Variants in PTH1R observed in about 807,000 individuals in gnomAD.
The protein encoded by PTH1R is parathyroid hormone 1 receptor, also known as parathyroid hormone/parathyroid hormone-related peptide receptor.
PTH1R carries 32 observed loss-of-function variants against 70.7 expected under a neutral mutation model. The ratio of observed to expected loss-of-function variants is 0.45; its 90% CI spans 0.34 to 0.61. The LOEUF (loss-of-function observed/expected upper bound fraction) is 0.61. PTH1R is among the 20% of genes least tolerant of loss of function. The probability of loss-of-function intolerance (pLI) is 0.01; values close to 1 mark genes in which losing one functional copy is unlikely to be tolerated. For synonymous variants in PTH1R, 329 were observed against 324.8 expected (o/e 1.01, Z -0.14); for missense variants, 626 against 792.5 (o/e 0.79, Z 2.52).
In PTH1R at chr3:46,892,734, G is replaced by C. The variant is rs1025059412; in HGVS notation, c.76-1173G>C. The C allele has an allele frequency of 1.4e-5, 14 of 985,732 alleles. No homozygotes were observed. The highest frequency in any genetic ancestry group is 8.7e-5 in the African/African-American group (5 of 57,344). 61.1% of individuals were successfully genotyped at this position (985,732 alleles called of 1,614,324 possible). A position where few individuals can be genotyped will look rare whatever the true frequency, so the allele number is the denominator to read the frequency against. Reference sequence around the variant, plus strand: ...CCTCCCGCCCTTCACAGCCATGCTCGGACTGCAGGGCCCCGGCCCCGCCTT... The same window carrying C: ...CCTCCCGCCCTTCACAGCCATGCTCCGACTGCAGGGCCCCGGCCCCGCCTT... On this transcript the variant is annotated intron_variant, in intron 3 of 15. Coordinates refer to ENST00000449590, the MANE Select transcript of PTH1R (RefSeq NM_000316.3). This position sits in a 1 kb window ranked among gnomAD's most constrained non-coding sequence, Gnocchi z 5.2.
rs1222436012 is a variant in PTH1R at position 46,877,822 on chromosome 3, T to G, written c.-127T>G. The G allele has an allele frequency of 6.6e-6, 1 of 152,244 alleles. No individual in the cohort carries two copies. The highest frequency in any genetic ancestry group is 2.1e-4 in the South Asian group (1 of 4,828). 9.4% of individuals were successfully genotyped at this position (152,244 alleles called of 1,614,324 possible). ...TCTGCTCTGCAGCTTTAGGCCCGAC[T>G]TGGAAGGCCCATGGGCTGCAGGTGA... On this transcript the variant is annotated 5_prime_UTR_variant, in exon 1 of 16. Transcript: ENST00000449590.
At chr3:46,888,886 T>C (rs1249517678) in intron 3 of PTH1R, among the ~76,000 whole-genome samples, 4 of 152,196 alleles carry the variant, frequency 2.6e-5, no homozygotes, top group Non-Finnish European at 5.9e-5. Context: ...ATGAGAGGCG[T>C]CACAGTGCCT....
chr3:46,888,327 T>C (rs1003375533), intron 3 of PTH1R, among the ~76,000 whole-genome samples: 3 of 152,260 alleles, frequency 2.0e-5, no homozygotes, highest in African/African-American at 7.2e-5. Context: ...CACATTCACC[T>C]CAGCTCTTGA....
In PTH1R at chr3:46,901,801, G is replaced by T. The variant is rs763816214; in HGVS notation, c.1152G>T (p.Val384=). Residue 384 remains valine (V), a synonymous_variant, in exon 13 of 16, where the codon GTG becomes GTT. Coordinates refer to ENST00000449590, the MANE Select transcript of PTH1R (RefSeq NM_000316.3). The surrounding 1 kb of genome is among the most constrained non-coding windows in gnomAD (Gnocchi z 7.3). ...TCCTCTTCATCAATATCGTCCGGGT[G>T]CTCGCCACCAAGCTGCGGGAGACCA... is the stretch of plus-strand genomic sequence containing the variant. ...NFILFINIVR[V]LATKLRETNA... The T allele has an allele frequency of 6.3e-5, 102 of 1,614,108 alleles. No individual in the cohort carries two copies. In the East Asian group the frequency reaches 2.3e-3, roughly 36 times the overall value.
intron 3 of PTH1R, among the ~76,000 whole-genome samples, chr3:46,886,467 C>T (rs2031037599): frequency 6.6e-6 from 1 of 152,210 alleles, no homozygotes; most frequent in Admixed American, 6.5e-5. Flanking sequence ...ACGCCGTTCT[C>T]CTGCCTCAGC....
intron 1 of PTH1R, among the ~76,000 whole-genome samples, chr3:46,880,526 G>C (rs2030485695): frequency 6.6e-6 from 1 of 152,160 alleles, no homozygotes; most frequent in Non-Finnish European, 1.5e-5. Flanking sequence ...GATCACTTGA[G>C]GTCAGGGGTT....
At chr3:46,898,517 G>C in intron 8 of PTH1R, 45 bp downstream of exon 8, 1 of 1,607,628 alleles carries the variant, frequency 6.2e-7, no homozygotes, top group Non-Finnish European at 8.5e-7. Context: ...GTGGAGGGGG[G>C]GCGGTGGCCG....
chr3:46,887,267 T>C (rs1213440015), intron 3 of PTH1R, among the ~76,000 whole-genome samples: 2 of 152,006 alleles, frequency 1.3e-5, no homozygotes, highest in South Asian at 2.1e-4. Context: ...CTTCTGTTAT[T>C]TTGTTAATTT....
intron 5 of PTH1R, among the ~76,000 whole-genome samples, 154 bp from the exon 6 acceptor site, chr3:46,897,701 A>C (rs1036014119): frequency 2.6e-5 from 4 of 152,270 alleles, no homozygotes; most frequent in Admixed American, 6.5e-5. Flanking sequence ...ATTGCCCTCC[A>C]GCCTGAGCAA....
rs780469309 is a variant in PTH1R at position 46,883,616 on chromosome 3, C to G, written c.57C>G (p.Leu19=). The change falls in exon 3 of 16, where the codon CTC becomes CTG. Residue 19 remains leucine, a synonymous_variant. Coordinates refer to ENST00000449590, the MANE Select transcript of PTH1R (RefSeq NM_000316.3). This position sits in a 1 kb window ranked among gnomAD's most constrained non-coding sequence, Gnocchi z 6.4. The part of the protein sequence containing the change: ...GLALLLCCPV[L]SSAYALVDAD... ...CGCTCCTGCTCTGCTGCCCCGTGCTCAGCTCCGCGTACGCGCTGGTGAGTC... is the reference window on the plus strand; with the variant it reads ...CGCTCCTGCTCTGCTGCCCCGTGCTGAGCTCCGCGTACGCGCTGGTGAGTC... 3.9e-6 allele frequency: 6 copies of G among 1,544,854 alleles called. No individual in the cohort carries two copies. The South Asian group carries it at 7.1e-5, about 18-fold the overall frequency.
chr3:46,903,116 C>T lies in PTH1R; in HGVS notation c.1396-154C>T, dbSNP rs937635441. On this transcript the variant is annotated intron_variant, in intron 15 of 15. Coordinates refer to ENST00000449590, the MANE Select transcript of PTH1R (RefSeq NM_000316.3). This position sits in a 1 kb window ranked among gnomAD's most constrained non-coding sequence, Gnocchi z 4.4. Reference sequence around the variant, plus strand: ...GGTGTGTCGGCTGCCTGTAGCCAAACACCCTGTTGTGAGGATGGGATTTCA... The same window carrying T: ...GGTGTGTCGGCTGCCTGTAGCCAAATACCCTGTTGTGAGGATGGGATTTCA... Among the ~76,000 whole-genome samples the T allele has an allele frequency of 1.5e-4, 23 of 152,204 alleles. No individual in the cohort carries two copies. The highest frequency in any genetic ancestry group is 5.3e-4 in the African/African-American group (22 of 41,444).
chr3:46,902,405 G>A lies in PTH1R; in HGVS notation c.1212-121G>A, dbSNP rs546443939. 3 of 1,362,998 alleles carry A rather than the reference G, an allele frequency of 2.2e-6. No homozygotes were observed. Among genetic ancestry groups the A allele is most frequent in the African/African-American group, 2.9e-5 (2 of 69,422 alleles). The allele number at this position is 1,362,998 out of a possible 1,614,324, so 84.4% of individuals were successfully genotyped here. On this transcript the variant is annotated intron_variant, in intron 13 of 15. Transcript: ENST00000449590. This position sits in a 1 kb window ranked among gnomAD's most constrained non-coding sequence, Gnocchi z 5.4. ...AGGTGAACTGGGTTGTCCTCCCATG[G>A]TGACTGGAGCCCTGGGCCCCTTTGA...
intron 3 of PTH1R, among the ~76,000 whole-genome samples, chr3:46,886,770 G>T (rs1304773859): frequency 6.6e-6 from 1 of 152,162 alleles, no homozygotes; most frequent in Non-Finnish European, 1.5e-5. Flanking sequence ...CATTCACCCA[G>T]TGATTTCTAC....
chr3:46,890,605 CGAT>C (rs1559530983), intron 3 of PTH1R, among the ~76,000 whole-genome samples: 1 of 146,536 alleles, frequency 6.8e-6, no homozygotes, highest in African/African-American at 2.6e-5. Flanking sequence ...CAGGTTTGAG[CGAT>C]TCTGCTGCCT....
rs200478534 is a variant in PTH1R at position 46,901,490 on chromosome 3, G to C, written c.1116+10G>C. 3 of 1,563,302 alleles carry C rather than the reference G, an allele frequency of 1.9e-6. No homozygotes were observed. In the South Asian group the frequency reaches 3.5e-5, roughly 18 times the overall value. On this transcript the variant is annotated intron_variant, in intron 12 of 15. Coordinates refer to ENST00000449590, the MANE Select transcript of PTH1R (RefSeq NM_000316.3). This position sits in a 1 kb window ranked among gnomAD's most constrained non-coding sequence, Gnocchi z 7.3. Reference sequence around the variant, plus strand: ...CCTGGCCTCCATTGTGGTGAGCAGGGGTGGGCTGCTGGCCACAGGGGTGGG... The same window carrying C: ...CCTGGCCTCCATTGTGGTGAGCAGGCGTGGGCTGCTGGCCACAGGGGTGGG...
At chr3:46,888,308 G>A (rs994218033) in intron 3 of PTH1R, among the ~76,000 whole-genome samples, 2 of 152,206 alleles carry the variant, frequency 1.3e-5, no homozygotes, top group Non-Finnish European at 2.9e-5. Context: ...TATATCACCT[G>A]CTCTTAAACA....
chr3:46,892,712 C>T lies in PTH1R; in HGVS notation c.76-1195C>T, dbSNP rs116220638. ...TCCTCCCCTGCCTCCTCTGGGTCCT[C>T]CCGCCCTTCACAGCCATGCTCGGAC... On this transcript the variant is annotated intron_variant, in intron 3 of 15. Coordinates refer to ENST00000449590, the MANE Select transcript of PTH1R (RefSeq NM_000316.3). This position sits in a 1 kb window ranked among gnomAD's most constrained non-coding sequence, Gnocchi z 5.2. 1,231 of 985,978 alleles carry T rather than the reference C, an allele frequency of 1.2e-3. 14 individuals carry two copies. The African/African-American group carries it at 0.02, about 16-fold the overall frequency. 61.1% of individuals were successfully genotyped at this position (985,978 alleles called of 1,614,324 possible).
chr3:46,881,979 C>CT (rs1239977653), intron 2 of PTH1R: 1 of 152,340 alleles, frequency 6.6e-6, no homozygotes, highest in East Asian at 1.9e-4. Context: ...AAAGCCCGTG[C>CT]TTTCCAGAAG....
Position 46,902,795 on chromosome 3 carries a change from G to A in PTH1R, c.1395+5G>A. 1 of 1,613,678 alleles carries A rather than the reference G, an allele frequency of 6.2e-7. No individual in the cohort carries two copies. Among genetic ancestry groups the A allele is most frequent in the Non-Finnish European group, 8.5e-7 (1 of 1,180,014 alleles). ...TACTGTTTCTGCAATGGCGAGGTAA[G>A]CAGGAGACAGTGTTGGCATAGGGCA... On this transcript the variant is annotated splice_donor_5th_base_variant and intron_variant, in intron 15 of 15. Coordinates refer to ENST00000449590, the MANE Select transcript of PTH1R (RefSeq NM_000316.3). This position sits in a 1 kb window ranked among gnomAD's most constrained non-coding sequence, Gnocchi z 5.4.
Sources: allele counts gnomAD v4.1 joint callset (sites outside exome capture counted in the v4.1 genomes callset), GRCh38; gene constraint gnomAD v4.1.1; non-coding constraint Gnocchi (gnomAD v3.1); transcripts MANE v1.5; gene names NCBI Gene and HGNC (gene_info 2026-07-23, HGNC 2026-07-21).